The following DGKD variants were observed in gnomAD, a reference collection of about 807,000 sequenced individuals.
DGKD encodes the protein diacylglycerol kinase delta.
In DGKD, 68 loss-of-function variants were observed where a neutral mutation model predicts 154.4. That is an observed-to-expected ratio of 0.44 (90% CI 0.36 to 0.54). The LOEUF is 0.54. Ranked by LOEUF, DGKD falls within the 20% of genes least tolerant of loss-of-function variation. The probability of loss-of-function intolerance (pLI) is 0.00; values close to 1 mark genes in which losing one functional copy is unlikely to be tolerated. For missense variants in DGKD, 1,343 were observed against 1,593.6 expected, an observed-to-expected ratio of 0.84 and a Z score of 2.68; for synonymous variants, 693 against 638.0, an observed-to-expected ratio of 1.09 and a Z score of -1.30.
intron 3 of DGKD, among the ~76,000 whole-genome samples, chr2:233,408,044 G>GT (rs1293793281): frequency 0.022 from 2,756 of 127,574 alleles, 45 homozygotes; most frequent in African/African-American, 0.038. Context: ...AGGAAAAACT[G>GT]TTTTTTTTTT....
intron 1 of DGKD, among the ~76,000 whole-genome samples, chr2:233,360,367 C>T (rs1245130221): frequency 1.3e-5 from 2 of 152,158 alleles, no homozygotes; most frequent in Non-Finnish European, 2.9e-5. Flanking sequence ...CCTCCTGCCT[C>T]AGCCACCTGA....
intron 3 of DGKD, among the ~76,000 whole-genome samples, chr2:233,427,886 C>G (rs1319249954): frequency 6.6e-6 from 1 of 152,220 alleles, no homozygotes; most frequent in Admixed American, 6.5e-5. Context: ...GAGCATCTCC[C>G]TGCACCCTGC....
At chr2:233,369,424 TC>T (rs1702200674) in intron 1 of DGKD, among the ~76,000 whole-genome samples, 1 of 152,240 alleles carries the variant, frequency 6.6e-6, no homozygotes, top group Admixed American at 6.5e-5. Context: ...ATTTTGGTGC[TC>T]CCTGTCTTTT....
At chr2:233,420,790 C>T (rs377423745) in intron 3 of DGKD, among the ~76,000 whole-genome samples, 6 of 152,330 alleles carry the variant, frequency 3.9e-5, no homozygotes, top group East Asian at 1.9e-4. Context: ...TTGAGGCCCA[C>T]GATGCTGGTT....
chr2:233,434,762 C>T lies in DGKD; in HGVS notation c.454-7C>T, dbSNP rs2062634697. On this transcript the variant is annotated splice_polypyrimidine_tract_variant and splice_region_variant and intron_variant, in intron 4 of 29. Coordinates refer to ENST00000264057, the MANE Select transcript of DGKD (RefSeq NM_152879.3). ...TTATCTTTGCCCTCTTGGTTTCGTT[C>T]TTCCAGCCCACCCAGTACAGCATGG... The T allele has an allele frequency of 1.2e-6, 2 of 1,600,954 alleles. No individual in the cohort carries two copies. The highest frequency in any genetic ancestry group is 2.7e-5 in the African/African-American group (2 of 74,352).
chr2:233,447,902 C>A, intron 12 of DGKD, 185 bp from the exon 13 acceptor site: 3 of 1,431,284 alleles, frequency 2.1e-6, no homozygotes, highest in Non-Finnish European at 2.7e-6. Flanking sequence ...TCACCTAGCA[C>A]TAGGTGAGTC....
chr2:233,370,733 A>T (rs1702277364), intron 1 of DGKD, among the ~76,000 whole-genome samples: 1 of 151,862 alleles, frequency 6.6e-6, no homozygotes, highest in South Asian at 2.1e-4. Context: ...TATTATTTAA[A>T]TACCTATTTT....
Position 233,443,840 on chromosome 2 carries a change from C to T in DGKD, c.1195-1783C>T, listed in dbSNP as rs1434782211. Among the ~76,000 whole-genome samples the T allele has an allele frequency of 2.6e-5, 4 of 152,248 alleles. No homozygotes were observed. In the East Asian group the frequency reaches 5.8e-4, roughly 22 times the overall value. ...ACCTTGTGGCTGATTTTCATACGTTCAGCCAAGGTCAGCACACATTTCTCT... is the reference window on the plus strand; with the variant it reads ...ACCTTGTGGCTGATTTTCATACGTTTAGCCAAGGTCAGCACACATTTCTCT... On this transcript the variant is annotated intron_variant, in intron 10 of 29. Coordinates refer to ENST00000264057, the MANE Select transcript of DGKD (RefSeq NM_152879.3).
intron 9 of DGKD, among the ~76,000 whole-genome samples, chr2:233,439,997 T>C (rs1012700074): frequency 2.0e-5 from 3 of 152,164 alleles, no homozygotes; most frequent in African/African-American, 7.2e-5. Context: ...GTTGGAGGAA[T>C]GCTGTGAAAT....
chr2:233,468,366 C>T (rs1159626068), intron 28 of DGKD, 57 bp from the exon 29 acceptor site: 1 of 1,592,326 alleles, frequency 6.3e-7, no homozygotes, highest in East Asian at 2.3e-5. Context: ...CAGCTGCTGC[C>T]TACCTTGCAC....
chr2:233,457,960 C>T lies in DGKD; in HGVS notation c.2581-324C>T. On this transcript the variant is annotated intron_variant, in intron 21 of 29. Transcript: ENST00000264057. This position sits in a 1 kb window ranked among gnomAD's most constrained non-coding sequence, Gnocchi z 5.5. ...GCGCTTCCTGCACACGTGGTGTGTG[C>T]TGGCCCCAGTCCTGGCACTCTGCAG... is the stretch of plus-strand genomic sequence containing the variant. 1 of 380,172 alleles carries T rather than the reference C, an allele frequency of 2.6e-6. No homozygotes were observed. Among genetic ancestry groups the T allele is most frequent in the Non-Finnish European group, 4.9e-6 (1 of 202,182 alleles). 23.5% of individuals were successfully genotyped at this position (380,172 alleles called of 1,614,324 possible). A position where few individuals can be genotyped will look rare whatever the true frequency, so the allele number is the denominator to read the frequency against.
intron 1 of DGKD, among the ~76,000 whole-genome samples, chr2:233,357,309 C>T (rs1701571482): frequency 6.6e-6 from 1 of 152,122 alleles, no homozygotes; most frequent in South Asian, 2.1e-4. Flanking sequence ...GACAAGCTGG[C>T]CCAGGACCAG....
intron 1 of DGKD, among the ~76,000 whole-genome samples, chr2:233,375,298 GAAAA>G (rs201082881): frequency 6.6e-6 from 1 of 150,796 alleles, no homozygotes; most frequent in Non-Finnish European, 1.5e-5. Flanking sequence ...CTCAAAAAAG[GAAAA>G]AAAAGAAAAA....
intron 24 of DGKD, 88 bp from the exon 25 acceptor site, chr2:233,462,260 T>G (rs1195057101): frequency 9.4e-7 from 1 of 1,067,582 alleles, no homozygotes. Context: ...GCCCTCCAGG[T>G]GGTACCTGGG....
chr2:233,389,464 A>G (rs1268197070), intron 2 of DGKD, among the ~76,000 whole-genome samples: 1 of 152,052 alleles, frequency 6.6e-6, no homozygotes, highest in African/African-American at 2.4e-5. Context: ...AGAAATCTGG[A>G]GTCTGAATAA....
chr2:233,461,373 C>T (rs1022082483), intron 24 of DGKD, among the ~76,000 whole-genome samples: 8 of 152,274 alleles, frequency 5.3e-5, no homozygotes, highest in Admixed American at 1.3e-4. Flanking sequence ...CCAGCCCTGG[C>T]GTGCAGATGG....
intron 3 of DGKD, among the ~76,000 whole-genome samples, chr2:233,411,106 T>A (rs2061818596): frequency 1.3e-5 from 2 of 152,232 alleles, no homozygotes. Flanking sequence ...TGGTGGGCAT[T>A]TAGGTAGTTT....
rs987196132 is a variant in DGKD at position 233,385,892 on chromosome 2, C to T, written c.157-2365C>T. 6.9e-6 allele frequency: 3 copies of T among 432,012 alleles called. No homozygotes were observed. The African/African-American group carries it at 7.8e-5, about 11-fold the overall frequency. 26.8% of individuals were successfully genotyped at this position (432,012 alleles called of 1,614,324 possible). ...CCCAGCCTTTTCCGCTGAAACCCAC[C>T]AGTCTTTTTCTGAGCACTCTTGTTA... On this transcript the variant is annotated intron_variant, in intron 1 of 29. Transcript: ENST00000264057.
chr2:233,407,508 G>C (rs1288915962), intron 3 of DGKD, among the ~76,000 whole-genome samples: 1 of 152,202 alleles, frequency 6.6e-6, no homozygotes, highest in African/African-American at 2.4e-5. Context: ...GCTCATGCCT[G>C]TAATCCCAGC....
Sources: allele counts gnomAD v4.1 joint callset (sites outside exome capture counted in the v4.1 genomes callset), GRCh38; gene constraint gnomAD v4.1.1; non-coding constraint Gnocchi (gnomAD v3.1); transcripts MANE v1.5; gene names NCBI Gene and HGNC (gene_info 2026-07-23, HGNC 2026-07-21).